SETBP1: variants seen among roughly 807,000 people sequenced by gnomAD.
SETBP1 encodes SET-binding protein.
SETBP1 carries 9 observed loss-of-function variants against 101.0 expected under a neutral mutation model. That is an observed-to-expected ratio of 0.09 (90% CI 0.05 to 0.16). The LOEUF is 0.16. Among genes scored for constraint, SETBP1 ranks in the 10% least tolerant of loss-of-function variants. SETBP1 has a pLI of 1.00. For synonymous variants in SETBP1, 818 were observed against 788.5 expected (o/e 1.04, Z -0.63); for missense variants, 1,858 against 2,033.8 (o/e 0.91, Z 1.66).
intron 3 of SETBP1, among the ~76,000 whole-genome samples, chr18:44,898,974 C>T (rs572323676): frequency 3.3e-5 from 5 of 152,100 alleles, no homozygotes; most frequent in Non-Finnish European, 5.9e-5. Context: ...AGGGATTGCC[C>T]AAATGGAAAT....
At chr18:44,699,820 C>T (rs1187303978) in intron 1 of SETBP1, among the ~76,000 whole-genome samples, 3 of 152,172 alleles carry the variant, frequency 2.0e-5, no homozygotes, top group Non-Finnish European at 2.9e-5. Context: ...CCTCACAGGG[C>T]GTCAGCTAAA....
intron 4 of SETBP1, among the ~76,000 whole-genome samples, chr18:45,017,437 G>A (rs1441534844): frequency 6.6e-6 from 1 of 152,180 alleles, no homozygotes; most frequent in East Asian, 1.9e-4. Context: ...CTAAGGACCT[G>A]CAACTCCAAA....
At chr18:44,730,422 G>A (rs368251439) in intron 2 of SETBP1, among the ~76,000 whole-genome samples, 6 of 152,206 alleles carry the variant, frequency 3.9e-5, no homozygotes, top group African/African-American at 9.6e-5. Context: ...GAGAACATGC[G>A]ATCTGCTATA....
chr18:44,878,267 G>C (rs1300209322), intron 3 of SETBP1, among the ~76,000 whole-genome samples: 2 of 152,250 alleles, frequency 1.3e-5, no homozygotes, highest in Non-Finnish European at 2.9e-5. Flanking sequence ...ATGATCCCTG[G>C]AGACTCCAAA....
intron 4 of SETBP1, among the ~76,000 whole-genome samples, chr18:44,983,135 T>C (rs976630587): frequency 2.0e-5 from 3 of 152,046 alleles, no homozygotes; most frequent in East Asian, 3.9e-4. Flanking sequence ...ATTATGAACA[T>C]TGAAAAATGA....
chr18:45,044,340 C>A (rs2073567128), intron 5 of SETBP1, among the ~76,000 whole-genome samples: 1 of 152,152 alleles, frequency 6.6e-6, no homozygotes, highest in Non-Finnish European at 1.5e-5. Context: ...AAAAGTGCTA[C>A]CTATGGGCTC....
At chr18:44,904,644 G>C (rs2070130357) in intron 3 of SETBP1, among the ~76,000 whole-genome samples, 1 of 152,128 alleles carries the variant, frequency 6.6e-6, no homozygotes, top group Non-Finnish European at 1.5e-5. Flanking sequence ...AAAAGACCTG[G>C]TCATCTGTGG....
chr18:45,065,983 T>C lies in SETBP1; in HGVS notation c.*2285T>C, dbSNP rs1332146611. ...TAAAGAGGTTTCTCTTCTTACTGGG[T>C]TTTGAAATCATTTCCTTTTTTCTTT... On this transcript the variant is annotated 3_prime_UTR_variant, in exon 6 of 6. Coordinates refer to ENST00000649279, the MANE Select transcript of SETBP1 (RefSeq NM_015559.3). 6.6e-6 allele frequency: 1 copy of C among 152,236 alleles called. No individual in the cohort carries two copies. Among genetic ancestry groups the C allele is most frequent in the Non-Finnish European group, 1.5e-5 (1 of 68,058 alleles). The allele number at this position is 152,236 out of a possible 1,614,324, so 9.4% of individuals were successfully genotyped here.
chr18:44,827,240 C>T (rs777533236), intron 2 of SETBP1, among the ~76,000 whole-genome samples: 11 of 152,018 alleles, frequency 7.2e-5, no homozygotes, highest in Non-Finnish European at 1.3e-4. Context: ...ATATAGTTTC[C>T]GAAAGAAAAA....
At position 45,063,639 on chromosome 18, in the gene SETBP1, G is replaced by A. The variant is rs2073928489; in HGVS notation, c.4732G>A (p.Glu1578Lys). 2 of 1,607,308 alleles carry A rather than the reference G, an allele frequency of 1.2e-6. No homozygotes were observed. The highest frequency in any genetic ancestry group is 1.1e-5 in the South Asian group (1 of 89,696). Residue 1578 changes from glutamate (E) to lysine (K), a missense_variant, in exon 6 of 6, where the codon GAG (glutamate) becomes AAG (lysine). Transcript: ENST00000649279. ...GCAGCAGCCCCTTCCCCAGGAAGAG[G>A]AGGTGAAAGCCAAAAGGCAGAGGAA... ...PPQQPLPQEE[E>K]VKAKRQRKSR...
chr18:44,868,605 G>A (rs1010766381), intron 2 of SETBP1, among the ~76,000 whole-genome samples: 12 of 151,756 alleles, frequency 7.9e-5, no homozygotes, highest in Admixed American at 2.0e-4. Flanking sequence ...TGAGGCAGGA[G>A]AATTGCTTGA....
At chr18:44,784,955 G>A (rs1335459395) in intron 2 of SETBP1, among the ~76,000 whole-genome samples, 1 of 152,136 alleles carries the variant, frequency 6.6e-6, no homozygotes, top group Admixed American at 6.5e-5. Flanking sequence ...GAAACTGAAT[G>A]CATTTCTTAA....
At chr18:44,789,028 C>T (rs539210368) in intron 2 of SETBP1, among the ~76,000 whole-genome samples, 1 of 151,994 alleles carries the variant, frequency 6.6e-6, no homozygotes, top group African/African-American at 2.4e-5. Flanking sequence ...GTCTTGAATC[C>T]CTGGGCTCAA....
intron 3 of SETBP1, among the ~76,000 whole-genome samples, chr18:44,939,174 A>C (rs907333107): frequency 3.9e-5 from 6 of 152,124 alleles, no homozygotes; most frequent in African/African-American, 1.4e-4. Flanking sequence ...TCACACTCCT[A>C]TCAAGACACA....
At chr18:44,834,538 TG>T (rs2072452919) in intron 2 of SETBP1, among the ~76,000 whole-genome samples, 1 of 152,148 alleles carries the variant, frequency 6.6e-6, no homozygotes, top group Admixed American at 6.5e-5. Flanking sequence ...AGATGATTTG[TG>T]GCCCCCGGAA....
chr18:45,032,029 C>T (rs2073307340), intron 4 of SETBP1, among the ~76,000 whole-genome samples: 1 of 152,064 alleles, frequency 6.6e-6, no homozygotes, highest in African/African-American at 2.4e-5. Flanking sequence ...CCCTGGCAGG[C>T]CCTCCTTCTG....
rs566089252 is a variant in SETBP1, at chr18:44,725,031, A to T, written c.486+23199A>T. ...TGGGATGCACAGCATTCATTTCTTC[A>T]CTCACTCATTTAGCACATGGTCACT... On this transcript the variant is annotated intron_variant, in intron 2 of 5. Coordinates refer to ENST00000649279, the MANE Select transcript of SETBP1 (RefSeq NM_015559.3). Among the ~76,000 whole-genome samples, 6 of 152,092 alleles carry T rather than the reference A, an allele frequency of 3.9e-5. No homozygotes were observed. In the South Asian group the frequency reaches 1.2e-3, roughly 32 times the overall value.
intron 3 of SETBP1, among the ~76,000 whole-genome samples, chr18:44,922,468 G>A (rs1325980259): frequency 6.6e-6 from 1 of 152,180 alleles, no homozygotes; most frequent in Non-Finnish European, 1.5e-5. Context: ...TGCTGCATCC[G>A]TTGTTACCAT....
intron 4 of SETBP1, among the ~76,000 whole-genome samples, chr18:44,999,800 G>A (rs1430177448): frequency 3.3e-5 from 5 of 152,182 alleles, no homozygotes. Flanking sequence ...ATGTAATTCT[G>A]AATCATGTAA....
Sources: allele counts gnomAD v4.1 joint callset (sites outside exome capture counted in the v4.1 genomes callset), GRCh38; gene constraint gnomAD v4.1.1; transcripts MANE v1.5; gene names NCBI Gene and HGNC (gene_info 2026-07-23, HGNC 2026-07-21).